The following GAS2 variants were observed in gnomAD, a reference collection of about 807,000 sequenced individuals.
GAS2 encodes growth arrest-specific protein 2.
In GAS2, 20 loss-of-function variants were observed where a neutral mutation model predicts 37.5. The observed-to-expected ratio is 0.53, with a 90% CI of 0.37 to 0.77. GAS2 has a LOEUF of 0.77. Ranked by LOEUF, GAS2 falls within the 30% of genes least tolerant of loss-of-function variation. The probability of loss-of-function intolerance (pLI) is 0.00; values close to 1 mark genes in which losing one functional copy is unlikely to be tolerated. For missense variants in GAS2, 336 were observed against 373.4 expected (o/e 0.90, Z 0.82); for synonymous variants, 144 against 132.2 (o/e 1.09, Z -0.61).
chr11:22,629,085 T>C (rs1030098315), intron 1 of GAS2, among the ~76,000 whole-genome samples: 1 of 152,184 alleles, frequency 6.6e-6, no homozygotes, highest in African/African-American at 2.4e-5. Flanking sequence ...TGGGCCCTTA[T>C]GTTGGTTCCG....
intron 1 of GAS2, among the ~76,000 whole-genome samples, chr11:22,671,014 G>A (rs757658867): frequency 9.9e-5 from 15 of 152,084 alleles, no homozygotes; most frequent in Non-Finnish European, 2.1e-4. Context: ...ACCTCTAGGT[G>A]GCATGGAAGA....
chr11:22,779,584 G>A (rs1855446262), intron 7 of GAS2, among the ~76,000 whole-genome samples: 2 of 152,070 alleles, frequency 1.3e-5, no homozygotes, highest in Admixed American at 6.6e-5. Context: ...TGTAATCCCA[G>A]CTACTTGGGA....
chr11:22,664,322 T>C (rs1390555662), upstream of GAS2, among the ~76,000 whole-genome samples: 1 of 15,164 alleles, frequency 6.6e-5, no homozygotes, highest in Non-Finnish European at 5.0e-4. Context: ...GTTATCTACA[T>C]AGGAGGGAAA....
intron 1 of GAS2, among the ~76,000 whole-genome samples, chr11:22,630,380 A>G (rs1320732866): frequency 3.3e-5 from 5 of 152,192 alleles, no homozygotes; most frequent in Non-Finnish European, 7.4e-5. Flanking sequence ...CATTCAGGAC[A>G]TAGGCATGGG....
upstream of GAS2, among the ~76,000 whole-genome samples, chr11:22,666,136 A>C (rs893341059): frequency 6.6e-5 from 10 of 152,244 alleles, no homozygotes; most frequent in Non-Finnish European, 2.9e-5. Context: ...CAACAGTTGG[A>C]GACAATTGTC....
At chr11:22,704,074 A>G (rs1473191671) in intron 3 of GAS2, among the ~76,000 whole-genome samples, 1 of 152,192 alleles carries the variant, frequency 6.6e-6, no homozygotes, top group African/African-American at 2.4e-5. Flanking sequence ...AAAGAACCCT[A>G]CAATGAAGGT....
At chr11:22,727,690 A>G (rs1052147523) in intron 4 of GAS2, among the ~76,000 whole-genome samples, 3 of 152,058 alleles carry the variant, frequency 2.0e-5, no homozygotes, top group Non-Finnish European at 4.4e-5. Context: ...TGAAATGCTC[A>G]GTAAATAAAT....
chr11:22,635,154 A>T (rs1858804380), intron 1 of GAS2, among the ~76,000 whole-genome samples: 1 of 152,218 alleles, frequency 6.6e-6, no homozygotes, highest in African/African-American at 2.4e-5. Flanking sequence ...GGCAATGGGC[A>T]GAGTCATAGG....
chr11:22,721,989 G>T (rs365987), intron 3 of GAS2, among the ~76,000 whole-genome samples: 27,527 of 151,774 alleles, frequency 0.18, 2,694 homozygotes, highest in East Asian at 0.37. Context: ...AGTCAATGGG[G>T]TGTACATCTT....
At chr11:22,673,079 C>G (rs140577965) in intron 1 of GAS2, among the ~76,000 whole-genome samples, 1 of 151,746 alleles carries the variant, frequency 6.6e-6, no homozygotes, top group Admixed American at 6.6e-5. Flanking sequence ...AAAAATTACT[C>G]GACAGTAATT....
At chr11:22,704,588 C>CAT (rs3049395) in intron 3 of GAS2, among the ~76,000 whole-genome samples, 16,083 of 90,054 alleles carry the variant, frequency 0.18, 1,299 homozygotes, top group Admixed American at 0.21. Context: ...TGAAAATAAA[C>CAT]ATATATATAT....
At chr11:22,697,310 T>C (rs531509352) in intron 3 of GAS2, among the ~76,000 whole-genome samples, 51 of 152,256 alleles carry the variant, frequency 3.3e-4, no homozygotes. Flanking sequence ...TATATCTCTG[T>C]TTTGGTACCA....
intron 1 of GAS2, among the ~76,000 whole-genome samples, chr11:22,659,935 AGGAG>A (rs2133844232): frequency 6.6e-6 from 1 of 151,754 alleles, no homozygotes; most frequent in African/African-American, 2.4e-5. Context: ...GGAGGGAAGA[AGGAG>A]GGAAGGGAAG....
chr11:22,741,002 G>A (rs1292030031), intron 5 of GAS2, among the ~76,000 whole-genome samples: 1 of 152,048 alleles, frequency 6.6e-6, no homozygotes, highest in Non-Finnish European at 1.5e-5. Context: ...TCTTATATTT[G>A]ATTCTAAACA....
intron 7 of GAS2, among the ~76,000 whole-genome samples, chr11:22,760,325 A>G (rs903907322): frequency 2.6e-5 from 4 of 152,054 alleles, no homozygotes; most frequent in Admixed American, 2.6e-4. Flanking sequence ...TAGCAGCATC[A>G]GCATCATTTG....
At chr11:22,679,852 T>A (rs1171397326) in intron 2 of GAS2, among the ~76,000 whole-genome samples, 1 of 151,932 alleles carries the variant, frequency 6.6e-6, no homozygotes, top group Non-Finnish European at 1.5e-5. Flanking sequence ...AAAAATCAAG[T>A]TGTGCTGAAT....
At chr11:22,715,811 AG>A (rs1251847618) in intron 3 of GAS2, among the ~76,000 whole-genome samples, 1 of 152,134 alleles carries the variant, frequency 6.6e-6, no homozygotes, top group Non-Finnish European at 1.5e-5. Flanking sequence ...CTATTCCAAA[AG>A]ATAAAGAGCT....
chr11:22,626,100 T>C (rs1858648348), intron 1 of GAS2: 3 of 492,152 alleles, frequency 6.1e-6, no homozygotes, highest in African/African-American at 1.9e-5. Context: ...CATGAACGTC[T>C]CCGCGCTTCC....
intron 3 of GAS2, among the ~76,000 whole-genome samples, chr11:22,725,756 C>T (rs966557520): frequency 1.3e-5 from 2 of 152,028 alleles, no homozygotes; most frequent in African/African-American, 2.4e-5. Flanking sequence ...TTAACATTTC[C>T]CTTTCTTGGT....
Sources: allele counts gnomAD v4.1 joint callset (sites outside exome capture counted in the v4.1 genomes callset), GRCh38; gene constraint gnomAD v4.1.1; transcripts MANE v1.5; gene names NCBI Gene and HGNC (gene_info 2026-07-23, HGNC 2026-07-21).